OPCML: variants seen among roughly 807,000 people sequenced by gnomAD.
The protein encoded by OPCML is opioid binding protein/cell adhesion molecule like.
Under a neutral mutation model 37.8 loss-of-function variants are expected in OPCML, and 13 were observed. That is an observed-to-expected ratio of 0.34 (90% CI 0.22 to 0.55). The LOEUF is 0.55. OPCML is among the 20% of genes least tolerant of loss of function. The pLI is 0.91. For synonymous variants in OPCML, 176 were observed against 168.8 expected, an observed-to-expected ratio of 1.04 and a Z score of -0.33; for missense variants, 341 against 435.6, an observed-to-expected ratio of 0.78 and a Z score of 1.93.
intron 2 of OPCML, among the ~76,000 whole-genome samples, chr11:132,761,971 G>C (rs1938343069): frequency 6.6e-6 from 1 of 152,122 alleles, no homozygotes; most frequent in African/African-American, 2.4e-5. Flanking sequence ...CTTTGATGTT[G>C]GTGACCTTTG....
chr11:133,099,761 GTTAT>G (rs1314691796), intron 1 of OPCML, among the ~76,000 whole-genome samples: 2 of 152,060 alleles, frequency 1.3e-5, no homozygotes, highest in Admixed American at 6.6e-5. Flanking sequence ...TTTTAATGGG[GTTAT>G]TTGTTGTTCG....
intron 3 of OPCML, among the ~76,000 whole-genome samples, chr11:132,610,281 A>G (rs7130397): frequency 0.23 from 35,015 of 152,096 alleles, 5,946 homozygotes; most frequent in African/African-American, 0.47. Flanking sequence ...GAGGTTAGTT[A>G]GGCAACTCTG....
intron 1 of OPCML, among the ~76,000 whole-genome samples, chr11:132,997,579 G>A (rs1229463864): frequency 6.6e-6 from 1 of 152,202 alleles, no homozygotes; most frequent in African/African-American, 2.4e-5. Context: ...TGGGGCTCAT[G>A]TGCTCCCTAG....
intron 2 of OPCML, among the ~76,000 whole-genome samples, chr11:132,752,627 T>A (rs1441756644): frequency 6.6e-6 from 1 of 151,842 alleles, no homozygotes; most frequent in Non-Finnish European, 1.5e-5. Flanking sequence ...GCCATCCAAA[T>A]CCTTACAAAG....
At chr11:132,901,769 G>A (rs891471923) in intron 2 of OPCML, among the ~76,000 whole-genome samples, 15 of 152,176 alleles carry the variant, frequency 9.9e-5, no homozygotes, top group African/African-American at 3.4e-4. Context: ...AGATAAAGAG[G>A]CATAAAGGAA....
intron 2 of OPCML, among the ~76,000 whole-genome samples, chr11:132,658,132 A>G (rs1158165648): frequency 1.3e-5 from 2 of 152,194 alleles, no homozygotes; most frequent in African/African-American, 4.8e-5. Context: ...AAAGTGTTGG[A>G]CGTCTGCGCA....
At chr11:133,191,957 G>C (rs1313393043) in intron 1 of OPCML, among the ~76,000 whole-genome samples, 1 of 152,150 alleles carries the variant, frequency 6.6e-6, no homozygotes, top group Non-Finnish European at 1.5e-5. Flanking sequence ...GAAAACCTTA[G>C]AGCTAAATAG....
At chr11:132,836,200 C>T (rs1334546493) in intron 2 of OPCML, among the ~76,000 whole-genome samples, 3 of 152,168 alleles carry the variant, frequency 2.0e-5, no homozygotes, top group African/African-American at 7.2e-5. Flanking sequence ...TCCATGGTGT[C>T]TAATCCACAG....
Position 132,636,150 on chromosome 11 carries a change from A to AT in OPCML, c.379+20936dup, listed in dbSNP as rs536975856. Among the ~76,000 whole-genome samples the AT allele has an allele frequency of 4.9e-3, 750 of 152,112 alleles. 5 individuals carry two copies. The highest frequency in any genetic ancestry group is 0.03 in the South Asian group (142 of 4,810). ...TAGGGTCGATGTAAGTGCTTTTATT[A>AT]TTTTTTTAATAAAATTGTTCTAAAT... On this transcript the variant is annotated intron_variant, in intron 3 of 7. Transcript: ENST00000524381.
intron 1 of OPCML, among the ~76,000 whole-genome samples, chr11:133,013,702 A>T (rs186870494): frequency 2.8e-4 from 42 of 152,308 alleles, no homozygotes; most frequent in African/African-American, 9.6e-4. Flanking sequence ...ATTACGTAGG[A>T]CAGTAAGTGA....
At chr11:132,924,490 C>A (rs544813356) in intron 2 of OPCML, among the ~76,000 whole-genome samples, 7 of 152,302 alleles carry the variant, frequency 4.6e-5, no homozygotes, top group African/African-American at 1.7e-4. Flanking sequence ...GAAGACAAAT[C>A]TGATCAATTT....
At chr11:133,371,944 G>T (rs1035279222) in intron 1 of OPCML, among the ~76,000 whole-genome samples, 1 of 152,110 alleles carries the variant, frequency 6.6e-6, no homozygotes, top group East Asian at 1.9e-4. Context: ...ATTGCATGTT[G>T]TTACTTACAC....
intron 1 of OPCML, among the ~76,000 whole-genome samples, chr11:133,053,030 T>G (rs868206954): frequency 2.6e-5 from 4 of 152,218 alleles, no homozygotes; most frequent in African/African-American, 4.8e-5. Context: ...CAACAGGTCT[T>G]GACTAACAAC....
At chr11:132,928,590 A>T (rs948861736) in intron 2 of OPCML, among the ~76,000 whole-genome samples, 3 of 152,058 alleles carry the variant, frequency 2.0e-5, no homozygotes, top group Non-Finnish European at 4.4e-5. Flanking sequence ...AAGGAAATAA[A>T]GAGCTTGAAC....
chr11:133,340,601 A>ACT (rs748563381), intron 1 of OPCML, among the ~76,000 whole-genome samples: 21 of 106,190 alleles, frequency 2.0e-4, no homozygotes, highest in South Asian at 9.0e-4. Flanking sequence ...ACAAATTAAG[A>ACT]CTCTCTCTGT....
chr11:132,957,135 C>G (rs989809809), intron 1 of OPCML, among the ~76,000 whole-genome samples: 2 of 152,056 alleles, frequency 1.3e-5, no homozygotes, highest in African/African-American at 4.8e-5. Context: ...TGTCTCAAAC[C>G]AAAACCAAAA....
chr11:132,461,481 C>A (rs2096101523), intron 4 of OPCML, among the ~76,000 whole-genome samples: 1 of 152,154 alleles, frequency 6.6e-6, no homozygotes, highest in Non-Finnish European at 1.5e-5. Context: ...ATACCTGACG[C>A]TATACATCTC....
At chr11:133,096,813 T>C (rs1300698628) in intron 1 of OPCML, among the ~76,000 whole-genome samples, 1 of 152,014 alleles carries the variant, frequency 6.6e-6, no homozygotes, top group Non-Finnish European at 1.5e-5. Flanking sequence ...CAATATATAA[T>C]CATAAAGGAG....
chr11:133,525,838 G>A (rs1029803523), intron 1 of OPCML, among the ~76,000 whole-genome samples: 3 of 152,176 alleles, frequency 2.0e-5, no homozygotes, highest in Non-Finnish European at 2.9e-5. Context: ...CCCATGCTAA[G>A]TGCAAGGAGC....
Sources: allele counts gnomAD v4.1 joint callset (sites outside exome capture counted in the v4.1 genomes callset), GRCh38; gene constraint gnomAD v4.1.1; transcripts MANE v1.5; gene names NCBI Gene and HGNC (gene_info 2026-07-23, HGNC 2026-07-21).